KIF13B: variants seen among roughly 807,000 people sequenced by gnomAD.
KIF13B encodes kinesin family member 13B.
KIF13B carries 127 observed loss-of-function variants against 222.0 expected under a neutral mutation model. The observed-to-expected ratio is 0.57, with a 90% confidence interval of 0.50 to 0.66. The LOEUF is 0.66. Among genes scored for constraint, KIF13B ranks in the 30% least tolerant of loss-of-function variants. The pLI is 0.00. For synonymous variants in KIF13B, 976 were observed against 919.0 expected, an observed-to-expected ratio of 1.06 and a Z score of -1.12; for missense variants, 2,173 against 2,379.0, an observed-to-expected ratio of 0.91 and a Z score of 1.80.
chr8:29,203,843 G>A (rs1012397613), intron 2 of KIF13B, among the ~76,000 whole-genome samples: 2 of 129,206 alleles, frequency 1.5e-5, no homozygotes, highest in Admixed American at 9.6e-5. Context: ...GTGGTGAGCC[G>A]AGATCACACC....
intron 2 of KIF13B, among the ~76,000 whole-genome samples, chr8:29,216,782 CA>C (rs1814500831): frequency 6.6e-6 from 1 of 152,066 alleles, no homozygotes; most frequent in Non-Finnish European, 1.5e-5. Flanking sequence ...CCCTTGCCTT[CA>C]AATAAAGTGG....
chr8:29,260,085 CCATTA>C (rs1203919529), intron 1 of KIF13B, among the ~76,000 whole-genome samples: 1 of 152,132 alleles, frequency 6.6e-6, no homozygotes, highest in Non-Finnish European at 1.5e-5. Flanking sequence ...GACAAATTAG[CCATTA>C]CAACTCTTCC....
chr8:29,196,784 A>C (rs1322114053), intron 2 of KIF13B, among the ~76,000 whole-genome samples: 1 of 152,146 alleles, frequency 6.6e-6, no homozygotes, highest in African/African-American at 2.4e-5. Context: ...GAATACTTGC[A>C]TTATGCTTAA....
chr8:29,248,186 A>G (rs1426140027), intron 1 of KIF13B, among the ~76,000 whole-genome samples: 1 of 151,948 alleles, frequency 6.6e-6, no homozygotes, highest in African/African-American at 2.4e-5. Context: ...CAGCAATTCC[A>G]CTCCTAGATA....
At chr8:29,087,756 A>G (rs1276621833) in intron 37 of KIF13B, among the ~76,000 whole-genome samples, 1 of 152,220 alleles carries the variant, frequency 6.6e-6, no homozygotes, top group Non-Finnish European at 1.5e-5. Flanking sequence ...AGACAACTGT[A>G]GAATGACGAA....
intron 1 of KIF13B, among the ~76,000 whole-genome samples, chr8:29,248,630 T>C (rs1055848377): frequency 1.8e-4 from 27 of 152,142 alleles, no homozygotes; most frequent in African/African-American, 5.8e-4. Flanking sequence ...CCATGATTCA[T>C]TTGTCTCCCA....
chr8:29,209,158 A>G (rs186858683), intron 2 of KIF13B, among the ~76,000 whole-genome samples: 1 of 152,332 alleles, frequency 6.6e-6, no homozygotes, highest in African/African-American at 2.4e-5. Context: ...GGTAACTTTA[A>G]AAGACACTGA....
At chr8:29,179,807 T>A (rs1812635872) in intron 8 of KIF13B, among the ~76,000 whole-genome samples, 1 of 152,116 alleles carries the variant, frequency 6.6e-6, no homozygotes, top group Non-Finnish European at 1.5e-5. Flanking sequence ...GTTCTAGAGG[T>A]GTCCTCAGAG....
intron 1 of KIF13B, among the ~76,000 whole-genome samples, chr8:29,257,782 A>G (rs1816540276): frequency 6.6e-6 from 1 of 152,174 alleles, no homozygotes; most frequent in South Asian, 2.1e-4. Context: ...ACTGCACTCC[A>G]GCCTGGGCAA....
Position 29,071,746 on chromosome 8 carries a change from G to A in KIF13B, c.5092C>T (p.Pro1698Ser). 2 of 1,549,832 alleles carry A rather than the reference G, an allele frequency of 1.3e-6. No individual in the cohort carries two copies. Among genetic ancestry groups the A allele is most frequent in the Non-Finnish European group, 1.7e-6 (2 of 1,146,636 alleles). ...AACTCGCCCTCTCGGAGCCACTCCG[G>A]GACCTCGTCAGCTTCCTCGGAATCA... ...ASDSEEADEVPEWLREGEFVT... is the reference protein window; with the variant it reads ...ASDSEEADEVSEWLREGEFVT... The change falls in exon 39 of 40, where the codon CCG (proline) becomes TCG (serine). Residue 1698 changes from proline to serine, a missense_variant. Pro to Ser is a moderately conservative substitution (Grantham distance 74). This residue lies in a region of KIF13B where 693 missense variants were observed against 656.2 expected (regional missense o/e 1.06). Transcript: ENST00000524189. This position sits in a 1 kb window ranked among gnomAD's most constrained non-coding sequence, Gnocchi z 4.9.
chr8:29,252,247 C>A (rs951338995), intron 1 of KIF13B, among the ~76,000 whole-genome samples: 5 of 152,138 alleles, frequency 3.3e-5, no homozygotes, highest in African/African-American at 1.2e-4. Context: ...TAAAAGTGAA[C>A]AATAATTTAA....
rs747713433 is a variant in KIF13B, at chr8:29,180,201, C to T, written c.623G>A (p.Arg208His). Residue 208 changes from arginine to histidine, a missense_variant, in exon 8 of 40, where the codon CGC (arginine) becomes CAC (histidine). Physicochemically the swap from Arg to His is conservative, Grantham distance 29. This residue lies in a region of KIF13B where 1,480 missense variants were observed against 1,722.8 expected (regional missense o/e 0.86). Transcript: ENST00000524189. Reference protein sequence around the residue: ...ESLMSEGNKSRTVAATNMNEE... With the variant: ...ESLMSEGNKSHTVAATNMNEE... ...GTTCATGTTGGTTGCAGCAACTGTG[C>T]GAGATTTGTTACCCTCAGACATCAA... 2 of 1,613,946 alleles carry T rather than the reference C, an allele frequency of 1.2e-6. No homozygotes were observed. Among genetic ancestry groups the T allele is most frequent in the East Asian group, 2.2e-5 (1 of 44,892 alleles).
chr8:29,094,881 T>C (rs1170333418), intron 36 of KIF13B, among the ~76,000 whole-genome samples: 3 of 132,534 alleles, frequency 2.3e-5, no homozygotes, highest in African/African-American at 5.7e-5. Flanking sequence ...AAAAAAACAA[T>C]GACTGAAATG....
chr8:29,106,632 CAAAAAAAAAAAAA>C (rs71222590), intron 35 of KIF13B, among the ~76,000 whole-genome samples: 5 of 56,468 alleles, frequency 8.9e-5, no homozygotes, highest in South Asian at 2.0e-3. Context: ...AACTCTGTCT[CAAAAAAAAAAAAA>C]AAAAAAAAAA....
chr8:29,263,036 C>T lies in KIF13B; in HGVS notation c.-2G>A. 6.3e-7 allele frequency: 1 copy of T among 1,593,622 alleles called. No individual in the cohort carries two copies. On this transcript the variant is annotated 5_prime_UTR_variant, in exon 1 of 40. Transcript: ENST00000524189. ...CACTTTCACTTTGGAGTCCCCCATC[C>T]TGCAGCCGCCGAGGAACTCGTTCGG... is the stretch of plus-strand genomic sequence containing the variant.
At chr8:29,126,692 G>A (rs919297125) in intron 25 of KIF13B, among the ~76,000 whole-genome samples, 181 bp from the exon 26 acceptor site, 3 of 152,116 alleles carry the variant, frequency 2.0e-5, no homozygotes, top group East Asian at 3.8e-4. Flanking sequence ...AGTTGGAGCC[G>A]CTCACAGAAG....
chr8:29,160,386 C>A (rs1586860486), intron 13 of KIF13B, among the ~76,000 whole-genome samples: 1 of 152,128 alleles, frequency 6.6e-6, no homozygotes, highest in Admixed American at 6.6e-5. Context: ...AAAGAATGTG[C>A]TTCACATAAA....
At chr8:29,139,388 C>T (rs1810706320) in intron 21 of KIF13B, among the ~76,000 whole-genome samples, 1 of 152,174 alleles carries the variant, frequency 6.6e-6, no homozygotes. Flanking sequence ...CCTATGTCTC[C>T]ATCTCCGATC....
chr8:29,140,253 A>C, intron 20 of KIF13B, 62 bp from the exon 21 acceptor site: 1 of 1,596,994 alleles, frequency 6.3e-7, no homozygotes, highest in Non-Finnish European at 8.5e-7. Flanking sequence ...CCTTGAGATG[A>C]CCTCTCTTCT....
Sources: gnomAD v4.1 joint callset for allele counts (sites outside exome capture counted in the v4.1 genomes callset) on GRCh38, gnomAD v4.1.1 for gene constraint, gnomAD v4.1.1 regional missense constraint, Gnocchi (gnomAD v3.1) non-coding constraint, MANE v1.5 for transcripts, NCBI Gene and HGNC (gene_info 2026-07-23, HGNC 2026-07-21) for gene names.